The following PIGT variants were observed in gnomAD, a reference collection of about 807,000 sequenced individuals.
PIGT encodes phosphatidylinositol glycan anchor biosynthesis class T, also known as GPI-anchor transamidase component PIGT.
Under a neutral mutation model 66.7 loss-of-function variants are expected in PIGT, and 57 were observed. The observed-to-expected ratio is 0.86, with a 90% CI of 0.69 to 1.07. The LOEUF is 1.07. Ranked by LOEUF, PIGT falls within the 50% of genes least tolerant of loss-of-function variation. The pLI is 0.00. For synonymous variants in PIGT, 362 were observed against 320.5 expected (o/e 1.13, Z -1.38); for missense variants, 725 against 740.4 (o/e 0.98, Z 0.24).
intron 11 of PIGT, chr20:45,425,147 CTTTCTT>C: frequency 2.5e-5 from 1 of 40,040 alleles, no homozygotes; most frequent in African/African-American, 9.7e-5. Context: ...CTTTCTCTTT[CTTTCTT>C]TCTTTCTTTC....
chr20:45,417,779 C>A (rs889615021), intron 2 of PIGT: 1 of 152,188 alleles, frequency 6.6e-6, no homozygotes, highest in South Asian at 2.1e-4. Flanking sequence ...TAGAGCTTTC[C>A]GGCTTCAAGT....
chr20:45,417,625 G>A (rs1990069275), intron 2 of PIGT: 1 of 152,172 alleles, frequency 6.6e-6, no homozygotes, highest in Non-Finnish European at 1.5e-5. Flanking sequence ...ACCACACCTG[G>A]CCTCATTTTT....
At chr20:45,423,781 G>A (rs1990535415) in intron 9 of PIGT, 1 of 168,172 alleles carries the variant, frequency 5.9e-6, no homozygotes, top group Admixed American at 5.7e-5. Flanking sequence ...CACATTCTGG[G>A]TTTGTCCTTG....
rs1238577057 is a variant in PIGT at position 45,424,203 on chromosome 20, T to C, written c.1235-13T>C. On this transcript the variant is annotated splice_polypyrimidine_tract_variant and intron_variant, in intron 9 of 11. Coordinates refer to ENST00000279036, the MANE Select transcript of PIGT (RefSeq NM_015937.6). Reference sequence around the variant, plus strand: ...CCCAGGAAAGAGATGTGGGTGACCTTGCATGTCTCCAGGTTACATCCACTA... The same window carrying C: ...CCCAGGAAAGAGATGTGGGTGACCTCGCATGTCTCCAGGTTACATCCACTA... The C allele has an allele frequency of 3.1e-6, 5 of 1,613,080 alleles. No homozygotes were observed. Among genetic ancestry groups the C allele is most frequent in the Non-Finnish European group, 4.2e-6 (5 of 1,179,294 alleles).
chr20:45,419,930 GGTT>G (rs1990242246), intron 5 of PIGT: 1 of 606,092 alleles, frequency 1.6e-6, no homozygotes, highest in Non-Finnish European at 2.9e-6. Context: ...CCACTCCTAG[GGTT>G]GTTGTGATAG....
At position 45,420,568 on chromosome 20, in the gene PIGT, C is replaced by T; in HGVS notation, c.908C>T (p.Thr303Ile). The change falls in exon 8 of 12, where the codon ACA becomes ATA. Residue 303 changes from threonine to isoleucine, a missense_variant. Physicochemically the swap from Thr to Ile is moderately conservative, Grantham distance 89 (BLOSUM62 -1). This residue lies in a region of PIGT where 559 missense variants were observed against 552.7 expected (regional missense o/e 1.01). Coordinates refer to ENST00000279036, the MANE Select transcript of PIGT (RefSeq NM_015937.6). ...TLEVHPPPTTTYQDVILGTRK... is the reference protein window; with the variant it reads ...TLEVHPPPTTIYQDVILGTRK... The stretch of plus-strand genomic sequence containing the variant: ...GAGGTGCACCCACCCCCGACCACTA[C>T]ATATCAGGACGTCATCCTAGGCACT... 1 of 1,613,882 alleles carries T rather than the reference C, an allele frequency of 6.2e-7. No individual in the cohort carries two copies.
intron 8 of PIGT, chr20:45,421,023 G>A: frequency 2.0e-6 from 1 of 509,282 alleles, no homozygotes; most frequent in East Asian, 3.4e-5. Context: ...TAAGACAGAG[G>A]ACACTGCACT....
rs571714796 is a variant in PIGT, at chr20:45,421,445, G to T, written c.1096G>T (p.Gly366Trp). The T allele has an allele frequency of 6.2e-7, 1 of 1,614,172 alleles. No homozygotes were observed. The highest frequency in any genetic ancestry group is 1.1e-5 in the South Asian group (1 of 91,086). ...RYVSGYGLQK[G>W]ELSTLLYNTH... Reference sequence around the variant, plus strand: ...CGTGAGTGGCTATGGGCTGCAGAAGGGGGAGCTGAGCACACTGCTGTACAA... The same window carrying T: ...CGTGAGTGGCTATGGGCTGCAGAAGTGGGAGCTGAGCACACTGCTGTACAA... The change falls in exon 9 of 12, where the codon GGG (glycine) becomes TGG (tryptophan). Residue 366 changes from glycine (G) to tryptophan (W), a missense_variant. Physicochemically the swap from Gly to Trp is radical, Grantham distance 184. This residue lies in a region of PIGT where 559 missense variants were observed against 552.7 expected (regional missense o/e 1.01). Transcript: ENST00000279036.
At chr20:45,418,717 A>C in intron 2 of PIGT, 135 bp from the exon 3 acceptor site, 3 of 1,094,796 alleles carry the variant, frequency 2.7e-6, no homozygotes, top group Non-Finnish European at 4.1e-6. Context: ...GCAATGTTCC[A>C]GCTCCATCAA....
rs753460333 is a variant in PIGT at position 45,419,364 on chromosome 20, C to G, written c.563C>G (p.Pro188Arg). The G allele has an allele frequency of 1.9e-6, 3 of 1,614,044 alleles. No homozygotes were observed. Among genetic ancestry groups the G allele is most frequent in the Non-Finnish European group, 1.7e-6 (2 of 1,179,932 alleles). The stretch of plus-strand genomic sequence containing the variant: ...GTGGTCTGCACCGAAAACCTCACCC[C>G]CTGGAAGAAGCTCTTGCCCTGTAGT... Reference protein sequence around the residue: ...REVVCTENLTPWKKLLPCSSK... With the variant: ...REVVCTENLTRWKKLLPCSSK... The change falls in exon 4 of 12, where the codon CCC (proline) becomes CGC (arginine). Residue 188 changes from proline (P) to arginine (R), a missense_variant. Physicochemically the swap from Pro to Arg is moderately radical, Grantham distance 103. Around this residue, in one of 3 missense-constraint regions of PIGT, gnomAD observed 559 missense variants for 552.7 expected, o/e 1.01. Coordinates refer to ENST00000279036, the MANE Select transcript of PIGT (RefSeq NM_015937.6).
chr20:45,416,601 A>G lies in PIGT; in HGVS notation c.272A>G (p.Gln91Arg). 2 of 1,614,196 alleles carry G rather than the reference A, an allele frequency of 1.2e-6. No homozygotes were observed. Among genetic ancestry groups the G allele is most frequent in the East Asian group, 4.5e-5 (2 of 44,884 alleles). Residue 91 changes from glutamine to arginine, a missense_variant, in exon 2 of 12, where the codon CAA becomes CGA. Gln to Arg is a conservative substitution (Grantham distance 43). This residue lies in a region of PIGT where 559 missense variants were observed against 552.7 expected (regional missense o/e 1.01). Transcript: ENST00000279036. ...CGGGAGCTGCACCTGTCATTCACAC[A>G]AGGCTTTTGGAGGACCCGATACTGG... ...SLRELHLSFT[Q>R]GFWRTRYWGP...
At chr20:45,418,371 A>G (rs141315856) in intron 2 of PIGT, 1 of 217,380 alleles carries the variant, frequency 4.6e-6, no homozygotes, top group East Asian at 1.3e-4. Context: ...CTTGTCCTCA[A>G]GTTGCTTACA....
intron 11 of PIGT, chr20:45,424,825 TTAAA>T: frequency 1.8e-6 from 1 of 545,200 alleles, no homozygotes; most frequent in Non-Finnish European, 3.3e-6. Context: ...CTTGATGCTC[TTAAA>T]TATTTAATCA....
chr20:45,418,937 G>C lies in PIGT; in HGVS notation c.451G>C (p.Val151Leu). The C allele has an allele frequency of 3.1e-6, 5 of 1,614,106 alleles. No homozygotes were observed. Among genetic ancestry groups the C allele is most frequent in the Non-Finnish European group, 4.2e-6 (5 of 1,179,986 alleles). ...CAACTTCATCGACTCCACCAACACA[G>C]TCACTCCCACTGCCTCCTTCAAACC... ...SLNFIDSTNTVTPTASFKPLG... is the reference protein window; with the variant it reads ...SLNFIDSTNTLTPTASFKPLG... Residue 151 changes from valine (V) to leucine (L), a missense_variant, in exon 3 of 12, where the codon GTC becomes CTC. Around this residue, in one of 3 missense-constraint regions of PIGT, gnomAD observed 559 missense variants for 552.7 expected, o/e 1.01. Coordinates refer to ENST00000279036, the MANE Select transcript of PIGT (RefSeq NM_015937.6).
chr20:45,424,459 A>G, intron 10 of PIGT, 37 bp from the exon 11 acceptor site: 3 of 1,613,228 alleles, frequency 1.9e-6, no homozygotes, highest in Non-Finnish European at 2.5e-6. Flanking sequence ...TAGGGCAGCC[A>G]GATGGGAACA....
In PIGT at chr20:45,425,896, C is replaced by A; in HGVS notation, c.*70C>A. ...AGGGGAGCCCAAGGGCTGTTTCTGCCACTTGCTCTCCTCAGAGTTGGCTTT... is the reference window on the plus strand; with the variant it reads ...AGGGGAGCCCAAGGGCTGTTTCTGCAACTTGCTCTCCTCAGAGTTGGCTTT... On this transcript the variant is annotated 3_prime_UTR_variant, in exon 12 of 12. Transcript: ENST00000279036. The A allele has an allele frequency of 6.5e-7, 1 of 1,543,790 alleles. No individual in the cohort carries two copies. The highest frequency in any genetic ancestry group is 2.3e-5 in the East Asian group (1 of 43,722).
intron 8 of PIGT, 66 bp downstream of exon 8, chr20:45,420,759 G>T: frequency 6.6e-7 from 1 of 1,507,450 alleles, no homozygotes; most frequent in Non-Finnish European, 9.2e-7. Context: ...ACAATCCCAC[G>T]TCTTTGCCGT....
chr20:45,424,527 A>G lies in PIGT; in HGVS notation c.1432A>G (p.Met478Val), dbSNP rs1990590207. Residue 478 changes from methionine (M) to valine (V), a missense_variant, in exon 11 of 12, where the codon ATG becomes GTG. Met to Val is a conservative substitution (Grantham distance 21, BLOSUM62 1). This residue lies in a region of PIGT where 162 missense variants were observed against 171.1 expected (regional missense o/e 0.95). Coordinates refer to ENST00000279036, the MANE Select transcript of PIGT (RefSeq NM_015937.6). ...PSVLSALVPSMVAAKPVDWEE... is the reference protein window; with the variant it reads ...PSVLSALVPSVVAAKPVDWEE... ...TGTCCTCAGCGCCCTTGTGCCCAGC[A>G]TGGTAGCAGCCAAGCCAGTGGACTG... The G allele has an allele frequency of 6.2e-7, 1 of 1,614,144 alleles. No individual in the cohort carries two copies. The highest frequency in any genetic ancestry group is 8.5e-7 in the Non-Finnish European group (1 of 1,180,028).
At position 45,421,268 on chromosome 20, in the gene PIGT, AG is replaced by A. The variant is rs1244300122; in HGVS notation, c.1034-112del. The A allele has an allele frequency of 1.2e-4, 88 of 730,742 alleles. No individual in the cohort carries two copies. The African/African-American group carries it at 2.5e-3, about 21-fold the overall frequency. The allele number at this position is 730,742 out of a possible 1,614,324, so 45.3% of individuals were successfully genotyped here. On this transcript the variant is annotated intron_variant, in intron 8 of 11. Coordinates refer to ENST00000279036, the MANE Select transcript of PIGT (RefSeq NM_015937.6). ...ACCCAGATTGCCCAGTTTCAGTGGCAGGGCTGTTCCCCATCTACTCACTGGC... is the reference window on the plus strand; with the variant it reads ...ACCCAGATTGCCCAGTTTCAGTGGCAGGCTGTTCCCCATCTACTCACTGGC...
Sources: allele counts gnomAD v4.1 joint callset, GRCh38; gene constraint gnomAD v4.1.1; regional missense constraint gnomAD v4.1.1; transcripts MANE v1.5; gene names NCBI Gene and HGNC (gene_info 2026-07-23, HGNC 2026-07-21).